The following MARK2 variants were observed in gnomAD, a reference collection of about 807,000 sequenced individuals.
MARK2 encodes microtubule affinity regulating kinase 2, also known as serine/threonine-protein kinase MARK2.
In MARK2, 16 loss-of-function variants were observed where a neutral mutation model predicts 89.8. That is an observed-to-expected ratio of 0.18 (90% CI 0.12 to 0.27). The LOEUF (loss-of-function observed/expected upper bound fraction) is 0.27. MARK2 is among the 10% of genes least tolerant of loss of function. The pLI is 1.00. For missense variants in MARK2, 621 were observed against 1,049.9 expected (o/e 0.59, Z 5.65); for synonymous variants, 382 against 399.5 (o/e 0.96, Z 0.52).
chr11:63,908,787 C>T, intron 18 of MARK2, 90 bp from the exon 19 acceptor site: 2 of 1,342,966 alleles, frequency 1.5e-6, no homozygotes, highest in East Asian at 2.6e-5. Flanking sequence ...CCGCTCTCCT[C>T]TCTGGGCTCA....
At position 63,884,073 on chromosome 11, in the gene MARK2, T is replaced by C. The variant is rs112058154; in HGVS notation, c.55-11086T>C. Among the ~76,000 whole-genome samples, 542 of 152,324 alleles carry C rather than the reference T, an allele frequency of 3.6e-3. 3 individuals carry two copies. Among genetic ancestry groups the C allele is most frequent in the African/African-American group, 0.012 (516 of 41,568 alleles). On this transcript the variant is annotated intron_variant, in intron 1 of 18. Transcript: ENST00000402010. The stretch of plus-strand genomic sequence containing the variant: ...CTGTATAGTTTACCTCTTTTAAGTT[T>C]CTGGAAGGCAGGAGCCAGATCGCAC...
intron 1 of MARK2, among the ~76,000 whole-genome samples, chr11:63,853,576 T>G (rs1354554294): frequency 1.3e-5 from 2 of 152,174 alleles, no homozygotes; most frequent in Admixed American, 6.5e-5. Context: ...ATACAAATGG[T>G]GATAAATATT....
chr11:63,884,166 C>T (rs1470199789), intron 1 of MARK2, among the ~76,000 whole-genome samples: 57 of 152,232 alleles, frequency 3.7e-4, no homozygotes, highest in Non-Finnish European at 2.9e-5. Context: ...GCAACAGTAG[C>T]TGGGGATTTA....
chr11:63,896,708 T>G (rs111312397), intron 3 of MARK2, among the ~76,000 whole-genome samples: 1 of 152,182 alleles, frequency 6.6e-6, no homozygotes, highest in African/African-American at 2.4e-5. Context: ...TCAAGGGTTC[T>G]TCAGTTCAGT....
intron 1 of MARK2, among the ~76,000 whole-genome samples, chr11:63,852,991 C>G (rs1363641618): frequency 1.3e-5 from 2 of 152,340 alleles, no homozygotes; most frequent in African/African-American, 4.8e-5. Context: ...AAAGCCCACA[C>G]AGAAACTGAG....
At chr11:63,884,546 C>T (rs892179745) in intron 1 of MARK2, among the ~76,000 whole-genome samples, 8 of 152,228 alleles carry the variant, frequency 5.3e-5, no homozygotes, top group African/African-American at 1.9e-4. Context: ...GCTTAAGTTG[C>T]AGGCTCTTCT....
In MARK2 at chr11:63,909,203, T is replaced by C; in HGVS notation, c.2333T>C (p.Ile778Thr). 1.3e-6 allele frequency: 2 copies of C among 1,598,034 alleles called. No individual in the cohort carries two copies. The highest frequency in any genetic ancestry group is 1.7e-6 in the Non-Finnish European group (2 of 1,166,714). The change falls in exon 19 of 19, where the codon ATT becomes ACT. Residue 778 changes from isoleucine (I) to threonine (T), a missense_variant. Transcript: ENST00000402010. ...GGCACCTCCATGGCCTTCAAAAACATTGCCTCCAAAATAGCCAACGAGCTG... is the reference window on the plus strand; with the variant it reads ...GGCACCTCCATGGCCTTCAAAAACACTGCCTCCAAAATAGCCAACGAGCTG... ...ISGTSMAFKN[I>T]ASKIANELKL is the part of the protein sequence containing the mutation.
chr11:63,906,411 C>A (rs1180443499), intron 17 of MARK2, among the ~76,000 whole-genome samples: 4 of 152,172 alleles, frequency 2.6e-5, no homozygotes, highest in Non-Finnish European at 2.9e-5. Flanking sequence ...ACAGTTAACG[C>A]CTGTCCTCAA....
At position 63,903,459 on chromosome 11, in the gene MARK2, C is replaced by T; in HGVS notation, c.1514+301C>T. 2.3e-6 allele frequency: 1 copy of T among 427,254 alleles called. No individual in the cohort carries two copies. Among genetic ancestry groups the T allele is most frequent in the Non-Finnish European group, 4.4e-6 (1 of 229,542 alleles). 26.5% of individuals were successfully genotyped at this position (427,254 alleles called of 1,614,324 possible). A position where few individuals can be genotyped will look rare whatever the true frequency, so the allele number is the denominator to read the frequency against. Reference sequence around the variant, plus strand: ...GCAGCTGCCCTCCTCTAGACATGAGCAGCTAAGGCCTTGTGTTGGGGGTCC... The same window carrying T: ...GCAGCTGCCCTCCTCTAGACATGAGTAGCTAAGGCCTTGTGTTGGGGGTCC... On this transcript the variant is annotated intron_variant, in intron 14 of 18. Transcript: ENST00000402010. The surrounding 1 kb of genome is among the most constrained non-coding windows in gnomAD (Gnocchi z 5.1).
At chr11:63,850,315 ATTTTTT>A (rs34074167) in intron 1 of MARK2, among the ~76,000 whole-genome samples, 43 of 95,770 alleles carry the variant, frequency 4.5e-4, no homozygotes, top group Middle Eastern at 7.5e-3. Context: ...TACCTGGCTA[ATTTTTT>A]TTTTTTTTTT....
chr11:63,860,695 T>C (rs867070503), intron 1 of MARK2, among the ~76,000 whole-genome samples: 3 of 150,288 alleles, frequency 2.0e-5, no homozygotes, highest in Non-Finnish European at 4.5e-5. Flanking sequence ...CGTCTCTACT[T>C]AAAATACAAA....
Position 63,885,125 on chromosome 11 carries a change from G to A in MARK2, c.55-10034G>A, listed in dbSNP as rs145050341. Among the ~76,000 whole-genome samples the A allele has an allele frequency of 1.2e-3, 179 of 151,592 alleles. 2 individuals are homozygous for A. The highest frequency in any genetic ancestry group is 8.3e-3 in the Admixed American group (126 of 15,240). On this transcript the variant is annotated intron_variant, in intron 1 of 18. Transcript: ENST00000402010. ...GGAAGATCACTTGAGCCCAGGAGGC[G>A]AAGATTGCAGTGAGCCAAGATCGTA...
chr11:63,905,169 A>G (rs1207298479), intron 16 of MARK2, 126 bp downstream of exon 16: 2 of 1,112,030 alleles, frequency 1.8e-6, no homozygotes, highest in Non-Finnish European at 2.6e-6. Context: ...TGGGGTTAGA[A>G]GAGGCTTCAG....
At chr11:63,867,210 TAG>T (rs1938185920) in intron 1 of MARK2, among the ~76,000 whole-genome samples, 2 of 152,210 alleles carry the variant, frequency 1.3e-5, no homozygotes, top group African/African-American at 2.4e-5. Flanking sequence ...GCGTTTTTTG[TAG>T]AGACAGGGTT....
At chr11:63,841,260 G>A (rs1236492337) in intron 1 of MARK2, among the ~76,000 whole-genome samples, 2 of 152,070 alleles carry the variant, frequency 1.3e-5, no homozygotes, top group Admixed American at 1.3e-4. Context: ...TTACCCCCTG[G>A]CCCTCTGTCA....
chr11:63,886,704 T>G (rs918199043), intron 1 of MARK2, among the ~76,000 whole-genome samples: 1 of 152,202 alleles, frequency 6.6e-6, no homozygotes, highest in African/African-American at 2.4e-5. Flanking sequence ...GATTACATGG[T>G]GGGGGCCACC....
At position 63,900,754 on chromosome 11, in the gene MARK2, C is replaced by T. The variant is rs763772181; in HGVS notation, c.889-26C>T. 5.6e-6 allele frequency: 9 copies of T among 1,613,786 alleles called. No homozygotes were observed. In the East Asian group the frequency reaches 2.0e-4, roughly 36 times the overall value. On this transcript the variant is annotated intron_variant, in intron 9 of 18. Coordinates refer to ENST00000402010, the MANE Select transcript of MARK2 (RefSeq NM_001039469.3). The surrounding 1 kb of genome is among the most constrained non-coding windows in gnomAD (Gnocchi z 4.7). ...TTTCCAGCTGAGTTTCTTCCCCCTG[C>T]CCTTTTCCTTCTCTGTGCTCCCCAG...
At chr11:63,895,507 G>A in intron 2 of MARK2, 73 bp from the exon 3 acceptor site, 1 of 1,472,386 alleles carries the variant, frequency 6.8e-7, no homozygotes, top group African/African-American at 1.4e-5. Context: ...GAAATATAAA[G>A]GAGGAAGTAG....
chr11:63,870,644 A>G (rs912630840), intron 1 of MARK2, among the ~76,000 whole-genome samples: 4 of 152,242 alleles, frequency 2.6e-5, no homozygotes, highest in South Asian at 2.1e-4. Context: ...ATAGTGAACA[A>G]GACAGCCAAC....
Sources: allele counts gnomAD v4.1 joint callset (sites outside exome capture counted in the v4.1 genomes callset), GRCh38; gene constraint gnomAD v4.1.1; non-coding constraint Gnocchi (gnomAD v3.1); transcripts MANE v1.5; gene names NCBI Gene and HGNC (gene_info 2026-07-23, HGNC 2026-07-21).